Variants in YIPF7 observed in about 807,000 individuals in gnomAD.
YIPF7 encodes Yip1 domain family member 7.
A neutral mutation model predicts 27.2 loss-of-function variants in YIPF7; 35 were observed. That is an observed-to-expected ratio of 1.29 (90% CI 0.98 to 1.70). The LOEUF (loss-of-function observed/expected upper bound fraction) is 1.70, where lower values mean the gene tolerates loss of function less well. Ranked by LOEUF, YIPF7 falls within the 40% of genes most tolerant of loss-of-function variation. YIPF7 has a pLI of 0.00. For missense variants in YIPF7, 358 were observed against 303.7 expected, an observed-to-expected ratio of 1.18 and a Z score of -1.33; for synonymous variants, 137 against 110.4, an observed-to-expected ratio of 1.24 and a Z score of -1.51.
At chr4:44,627,608 A>G (rs1434502323) in intron 4 of YIPF7, among the ~76,000 whole-genome samples, 1 of 152,134 alleles carries the variant, frequency 6.6e-6, no homozygotes, top group East Asian at 1.9e-4. Flanking sequence ...TTTTTGCTTT[A>G]TATCAGAATC....
At chr4:44,625,906 T>C (rs936593976) in intron 4 of YIPF7, among the ~76,000 whole-genome samples, 4 of 152,164 alleles carry the variant, frequency 2.6e-5, no homozygotes, top group Admixed American at 1.3e-4. Flanking sequence ...CTGTCTCTGG[T>C]TTTCATGGGA....
In YIPF7 at chr4:44,636,061, C is replaced by G. The variant is rs753265862; in HGVS notation, c.141G>C (p.Gln47His). ...TCTCTGATGGAACAAAGGAGGCAGG[C>G]TGAGGCTGCTCACCAGCTTGTTGTC... ...SRKQQAGEQPQPASFVPSEML... is the reference protein window; with the variant it reads ...SRKQQAGEQPHPASFVPSEML... Residue 47 changes from glutamine (Q) to histidine (H), a missense_variant, in exon 3 of 6, where the codon CAG becomes CAC. Transcript: ENST00000415895. 1.9e-6 allele frequency: 3 copies of G among 1,612,202 alleles called. No individual in the cohort carries two copies. Among genetic ancestry groups the G allele is most frequent in the Non-Finnish European group, 2.5e-6 (3 of 1,178,776 alleles).
chr4:44,650,505 G>A (rs77279555), intron 1 of YIPF7, among the ~76,000 whole-genome samples: 8,400 of 122,262 alleles, frequency 0.069, 255 homozygotes, highest in East Asian at 0.17. Flanking sequence ...GCGCGCGCGC[G>A]CGCACACACA....
chr4:44,631,345 T>A (rs1712889541), intron 3 of YIPF7, among the ~76,000 whole-genome samples: 1 of 152,218 alleles, frequency 6.6e-6, no homozygotes, highest in Non-Finnish European at 1.5e-5. Flanking sequence ...CAAGCTTTAG[T>A]AACCCTGTTT....
intron 2 of YIPF7, among the ~76,000 whole-genome samples, chr4:44,646,213 G>A (rs1283851923): frequency 3.3e-5 from 5 of 152,252 alleles, no homozygotes; most frequent in East Asian, 1.9e-4. Context: ...GTAAATTTCC[G>A]ATTAAGCTTG....
chr4:44,624,112 C>T (rs1485046527), intron 5 of YIPF7, among the ~76,000 whole-genome samples: 1 of 148,154 alleles, frequency 6.7e-6, no homozygotes, highest in East Asian at 2.0e-4. Flanking sequence ...GTTGCCCAGG[C>T]TGGAGTGCAG....
intron 2 of YIPF7, among the ~76,000 whole-genome samples, chr4:44,636,465 G>A (rs541748525): frequency 6.6e-6 from 1 of 152,276 alleles, no homozygotes; most frequent in South Asian, 2.1e-4. Context: ...GCAGGTGCTG[G>A]ACTCTGGTGT....
chr4:44,628,250 G>A (rs771535148), intron 4 of YIPF7, among the ~76,000 whole-genome samples: 2 of 152,020 alleles, frequency 1.3e-5, no homozygotes, highest in Admixed American at 1.3e-4. Flanking sequence ...AGATGTTATC[G>A]CTAAATACTA....
At chr4:44,649,131 T>G (rs892944602) in intron 2 of YIPF7, among the ~76,000 whole-genome samples, 1 of 152,124 alleles carries the variant, frequency 6.6e-6, no homozygotes, top group Non-Finnish European at 1.5e-5. Context: ...CTTCTTAATT[T>G]CTGAAACACA....
Position 44,636,059 on chromosome 4 carries a change from G to T in YIPF7, c.143C>A (p.Pro48His), listed in dbSNP as rs1190942073. The T allele has an allele frequency of 6.2e-7, 1 of 1,612,094 alleles. No individual in the cohort carries two copies. The highest frequency in any genetic ancestry group is 1.1e-5 in the South Asian group (1 of 90,818). Reference sequence around the variant, plus strand: ...CATCTCTGATGGAACAAAGGAGGCAGGCTGAGGCTGCTCACCAGCTTGTTG... The same window carrying T: ...CATCTCTGATGGAACAAAGGAGGCATGCTGAGGCTGCTCACCAGCTTGTTG... Reference protein sequence around the residue: ...RKQQAGEQPQPASFVPSEMLM... With the variant: ...RKQQAGEQPQHASFVPSEMLM... The change falls in exon 3 of 6, where the codon CCT becomes CAT. Residue 48 changes from proline to histidine, a missense_variant. By Grantham distance (77) the Pro-to-His change is moderately conservative (BLOSUM62 -2). Coordinates refer to ENST00000415895, the MANE Select transcript of YIPF7 (RefSeq NM_182592.3).
rs2109579730 is a variant in YIPF7, at chr4:44,629,403, C to A, written c.426G>T (p.Leu142=). The A allele has an allele frequency of 6.3e-7, 1 of 1,584,936 alleles. No individual in the cohort carries two copies. Among genetic ancestry groups the A allele is most frequent in the Non-Finnish European group, 8.6e-7 (1 of 1,166,956 alleles). The change falls in exon 4 of 6, where the codon CTG becomes CTT. Residue 142 remains leucine (L), a splice_region_variant and synonymous_variant. Coordinates refer to ENST00000415895, the MANE Select transcript of YIPF7 (RefSeq NM_182592.3). ...FCVALGATLL[L]AGKVQFGYVY... is the part of the protein sequence containing the mutation. ...TCTGGTGCTTCCTGTGACACATTAC[C>A]AGAAGCAAGGTGGCTCCCAGGGCTA...
At chr4:44,638,185 G>T (rs1335485527) in intron 2 of YIPF7, among the ~76,000 whole-genome samples, 2 of 146,844 alleles carry the variant, frequency 1.4e-5, no homozygotes, top group Non-Finnish European at 3.0e-5. Context: ...TTGTTTCAGG[G>T]TTTTTTGGCT....
intron 2 of YIPF7, among the ~76,000 whole-genome samples, chr4:44,646,895 G>T (rs1324607588): frequency 2.6e-5 from 4 of 152,096 alleles, no homozygotes; most frequent in African/African-American, 7.2e-5. Flanking sequence ...CACATATTTT[G>T]CCAGGATGAT....
rs1447424849 is a variant in YIPF7 at position 44,651,616 on chromosome 4, C to T, written c.-64G>A. Reference sequence around the variant, plus strand: ...GTAGCTTTGTGTGAGAAATTTTAAGCAAATCCATTGGTGAAAAGATGACAT... The same window carrying T: ...GTAGCTTTGTGTGAGAAATTTTAAGTAAATCCATTGGTGAAAAGATGACAT... On this transcript the variant is annotated 5_prime_UTR_variant, in exon 1 of 6. Transcript: ENST00000415895. 1.3e-6 allele frequency: 2 copies of T among 1,584,274 alleles called. No homozygotes were observed. The highest frequency in any genetic ancestry group is 3.6e-5 in the Admixed American group (2 of 56,136).
intron 3 of YIPF7, among the ~76,000 whole-genome samples, chr4:44,631,314 T>A (rs956576462): frequency 6.6e-5 from 10 of 152,220 alleles, no homozygotes; most frequent in African/African-American, 2.4e-4. Flanking sequence ...TGTATTTATA[T>A]GTGGCACTCA....
chr4:44,653,465 T>A (rs1339135957), upstream of YIPF7, among the ~76,000 whole-genome samples: 1 of 151,978 alleles, frequency 6.6e-6, no homozygotes, highest in African/African-American at 2.4e-5. Flanking sequence ...TCATGGCAAC[T>A]GAGGAAAAGA....
upstream of YIPF7, chr4:44,651,734 C>T (rs1713746211): frequency 1.1e-5 from 7 of 638,802 alleles, no homozygotes; most frequent in South Asian, 8.1e-5. Flanking sequence ...AAGCCAAATA[C>T]AGTATCTTAT....
intron 4 of YIPF7, 132 bp downstream of exon 4, chr4:44,629,271 A>T: frequency 8.6e-7 from 1 of 1,161,372 alleles, no homozygotes; most frequent in Non-Finnish European, 1.1e-6. Context: ...CACTATGGTT[A>T]AATTATTCTC....
chr4:44,628,836 G>C (rs910359621), intron 4 of YIPF7, among the ~76,000 whole-genome samples: 1 of 152,148 alleles, frequency 6.6e-6, no homozygotes, highest in Non-Finnish European at 1.5e-5. Flanking sequence ...GGGAACAAAT[G>C]TCTTCATAAA....
Sources: gnomAD v4.1 joint callset for allele counts (sites outside exome capture counted in the v4.1 genomes callset) on GRCh38, gnomAD v4.1.1 for gene constraint, MANE v1.5 for transcripts, NCBI Gene and HGNC (gene_info 2026-07-23, HGNC 2026-07-21) for gene names.